The following LHPP variants were observed in gnomAD, a reference collection of about 807,000 sequenced individuals.
LHPP encodes hLHPP.
Under a neutral mutation model 30.3 loss-of-function variants are expected in LHPP, and 24 were observed. The observed-to-expected ratio is 0.79, with a 90% CI of 0.57 to 1.11. LHPP has a LOEUF of 1.11. Among genes scored for constraint, LHPP ranks in the 50% most tolerant of loss-of-function variants. LHPP has a pLI of 0.00. For missense variants in LHPP, 356 were observed against 367.2 expected (o/e 0.97, Z 0.25); for synonymous variants, 150 against 157.1 (o/e 0.95, Z 0.34).
Position 124,480,702 on chromosome 10 carries a change from A to G in LHPP, c.126-3437A>G, listed in dbSNP as rs117215540. On this transcript the variant is annotated intron_variant, in intron 1 of 6. Transcript: ENST00000368842. The stretch of plus-strand genomic sequence containing the variant: ...ATTTAAAAATAAAACTATCTTTATG[A>G]AGGGCAATTAACCACTAAGTGTAAT... 8.5e-4 allele frequency among the ~76,000 whole-genome samples: 130 copies of G among 152,368 alleles called. 2 individuals are homozygous for G. In the East Asian group the frequency reaches 0.021, roughly 24 times the overall value.
chr10:124,543,035 C>G (rs905994710), intron 6 of LHPP, among the ~76,000 whole-genome samples: 1 of 152,184 alleles, frequency 6.6e-6, no homozygotes, highest in Non-Finnish European at 1.5e-5. Context: ...GCTGCTGTGC[C>G]ACACCTCACT....
At position 124,488,459 on chromosome 10, in the gene LHPP, C is replaced by A; in HGVS notation, c.351C>A (p.Asn117Lys). 1 of 1,614,054 alleles carries A rather than the reference C, an allele frequency of 6.2e-7. No homozygotes were observed. Among genetic ancestry groups the A allele is most frequent in the Non-Finnish European group, 8.5e-7 (1 of 1,179,974 alleles). Residue 117 changes from asparagine (N) to lysine (K), a missense_variant, in exon 3 of 7, where the codon AAC becomes AAA. Physicochemically the swap from Asn to Lys is moderately conservative, Grantham distance 94. Coordinates refer to ENST00000368842, the MANE Select transcript of LHPP (RefSeq NM_022126.4). ...AATTTGATCAGATCGACACATCCAA[C>A]CCAAACTGTGTGGTAATTGCAGACG... ...RSEFDQIDTS[N>K]PNCVVIADAG...
At chr10:124,546,322 G>A (rs1955338638) in intron 6 of LHPP, 1 of 152,584 alleles carries the variant, frequency 6.6e-6, no homozygotes, top group Non-Finnish European at 1.5e-5. Context: ...GGCGGGCCCT[G>A]GGTTGTTCCC....
intron 6 of LHPP, among the ~76,000 whole-genome samples, chr10:124,600,439 G>T (rs1949006472): frequency 6.6e-6 from 1 of 152,250 alleles, no homozygotes; most frequent in South Asian, 2.1e-4. Flanking sequence ...GCTCGATCTG[G>T]GTGTTGGCCT....
At position 124,554,117 on chromosome 10, in the gene LHPP, G is replaced by T. The variant is rs376868410; in HGVS notation, c.716+36846G>T. 5 of 967,280 alleles carry T rather than the reference G, an allele frequency of 5.2e-6. No individual in the cohort carries two copies. The African/African-American group carries it at 8.8e-5, about 17-fold the overall frequency. 59.9% of individuals were successfully genotyped at this position (967,280 alleles called of 1,614,324 possible). The stretch of plus-strand genomic sequence containing the variant: ...TTCAGCTCCTGCTCTGACATTTACA[G>T]CTGGGACGACCTGGGCCAGGTAGAG... On this transcript the variant is annotated intron_variant, in intron 6 of 6. Coordinates refer to ENST00000368842, the MANE Select transcript of LHPP (RefSeq NM_022126.4).
chr10:124,487,358 C>A (rs546826679), intron 2 of LHPP, among the ~76,000 whole-genome samples: 2 of 152,144 alleles, frequency 1.3e-5, no homozygotes, highest in African/African-American at 2.4e-5. Context: ...CCTCACCAGA[C>A]CTTGGTGTTA....
intron 3 of LHPP, among the ~76,000 whole-genome samples, chr10:124,494,114 T>G (rs1953627204): frequency 1.3e-5 from 2 of 152,232 alleles, no homozygotes; most frequent in South Asian, 2.1e-4. Context: ...GTATTTTCAG[T>G]TGCACGTTCA....
chr10:124,560,547 C>A (rs1948379572), intron 6 of LHPP, among the ~76,000 whole-genome samples: 1 of 152,230 alleles, frequency 6.6e-6, no homozygotes, highest in Non-Finnish European at 1.5e-5. Flanking sequence ...GCGCCGTGGC[C>A]TCTTGTTCTC....
intron 6 of LHPP, among the ~76,000 whole-genome samples, chr10:124,524,850 T>A (rs183155499): frequency 1.3e-5 from 2 of 152,340 alleles, no homozygotes; most frequent in Admixed American, 6.5e-5. Flanking sequence ...GAAATTTTTT[T>A]AAATTGTGGT....
In LHPP at chr10:124,478,161, G is replaced by T. The variant is rs1449584165; in HGVS notation, c.126-5978G>T. ...AGGAGGAGGGAGGTGGTGATGTCAGGACCAGAGCAGCACCAAGGGCTGTGT... is the reference window on the plus strand; with the variant it reads ...AGGAGGAGGGAGGTGGTGATGTCAGTACCAGAGCAGCACCAAGGGCTGTGT... On this transcript the variant is annotated intron_variant, in intron 1 of 6. Coordinates refer to ENST00000368842, the MANE Select transcript of LHPP (RefSeq NM_022126.4). The surrounding 1 kb of genome is among the most constrained non-coding windows in gnomAD (Gnocchi z 4.7). 3.3e-5 allele frequency among the ~76,000 whole-genome samples: 5 copies of T among 152,206 alleles called. No homozygotes were observed. Among genetic ancestry groups the T allele is most frequent in the Non-Finnish European group, 7.3e-5 (5 of 68,034 alleles).
chr10:124,530,363 T>C (rs1954864272), intron 6 of LHPP, among the ~76,000 whole-genome samples: 1 of 152,056 alleles, frequency 6.6e-6, no homozygotes, highest in Non-Finnish European at 1.5e-5. Flanking sequence ...CCAGGGCCGA[T>C]GCACGCACAG....
intron 6 of LHPP, among the ~76,000 whole-genome samples, chr10:124,568,894 G>A (rs1052439961): frequency 2.0e-5 from 3 of 152,272 alleles, no homozygotes; most frequent in African/African-American, 7.2e-5. Flanking sequence ...ACACTTGGAG[G>A]CCCCCCTAGG....
chr10:124,546,802 C>T (rs1955358187), intron 6 of LHPP, among the ~76,000 whole-genome samples: 2 of 152,152 alleles, frequency 1.3e-5, no homozygotes, highest in African/African-American at 2.4e-5. Context: ...ATGCATGCTT[C>T]GGTTGCTGTT....
intron 6 of LHPP, among the ~76,000 whole-genome samples, chr10:124,536,632 T>A (rs1955034624): frequency 6.6e-6 from 1 of 152,102 alleles, no homozygotes. Context: ...CTGGGGGATG[T>A]CAAGAGACAG....
At chr10:124,608,211 C>G (rs575381719) in intron 6 of LHPP, among the ~76,000 whole-genome samples, 4 of 152,250 alleles carry the variant, frequency 2.6e-5, no homozygotes, top group African/African-American at 9.6e-5. Flanking sequence ...TTCCTCCCCA[C>G]TCACCCTGTC....
At chr10:124,579,410 G>T (rs1422516570) in intron 6 of LHPP, among the ~76,000 whole-genome samples, 2 of 152,244 alleles carry the variant, frequency 1.3e-5, no homozygotes, top group African/African-American at 4.8e-5. Context: ...CCGGCCTCTG[G>T]AAATCAGCAT....
At chr10:124,568,650 C>T (rs1215153804) in intron 6 of LHPP, among the ~76,000 whole-genome samples, 1 of 152,178 alleles carries the variant, frequency 6.6e-6, no homozygotes, top group Non-Finnish European at 1.5e-5. Context: ...TGTTCTCATA[C>T]AGGTCCTGTG....
chr10:124,488,622 C>T (rs778861972), intron 3 of LHPP, 47 bp downstream of exon 3: 2 of 1,533,368 alleles, frequency 1.3e-6, no homozygotes, highest in South Asian at 2.4e-5. Context: ...TTAGATGATG[C>T]TGTGCCAGTC....
intron 6 of LHPP, among the ~76,000 whole-genome samples, chr10:124,562,880 C>T (rs894682283): frequency 1.3e-5 from 2 of 149,604 alleles, no homozygotes. Context: ...TGTAGTGAGC[C>T]GAGATCATGC....
Sources: allele counts gnomAD v4.1 joint callset (sites outside exome capture counted in the v4.1 genomes callset), GRCh38; gene constraint gnomAD v4.1.1; non-coding constraint Gnocchi (gnomAD v3.1); transcripts MANE v1.5; gene names NCBI Gene and HGNC (gene_info 2026-07-23, HGNC 2026-07-21).